Variants in SPAG17 observed in about 807,000 individuals in gnomAD.
SPAG17 encodes sperm-associated antigen 17.
In SPAG17, 169 loss-of-function variants were observed where a neutral mutation model predicts 273.6. That is an observed-to-expected ratio of 0.62 (90% CI 0.55 to 0.70). The LOEUF (loss-of-function observed/expected upper bound fraction) is 0.70. Ranked by LOEUF, SPAG17 falls within the 30% of genes least tolerant of loss-of-function variation. The probability of loss-of-function intolerance (pLI) is 0.00; values close to 1 mark genes in which losing one functional copy is unlikely to be tolerated. For missense variants in SPAG17, 2,557 were observed against 2,627.8 expected, an observed-to-expected ratio of 0.97 and a Z score of 0.59; for synonymous variants, 825 against 873.2, an observed-to-expected ratio of 0.94 and a Z score of 0.97.
Position 118,115,371 on chromosome 1 carries a change from AAG to A in SPAG17, c.384_385del (p.Leu129GlufsTer8). 1 of 1,613,786 alleles carries A rather than the reference AAG, an allele frequency of 6.2e-7. No homozygotes were observed. Among genetic ancestry groups the A allele is most frequent in the Non-Finnish European group, 8.5e-7 (1 of 1,179,740 alleles). On this transcript the variant is annotated frameshift_variant, in exon 4 of 49. Transcript: ENST00000336338. LOFTEE classifies it high-confidence loss of function. ...TTTAATCTGGAGAAGTTGAAATTTCAAGAGTTTCCCTATCAGTGGTAAGGTTA... is the reference window on the plus strand; with the variant it reads ...TTTAATCTGGAGAAGTTGAAATTTCAAGTTTCCCTATCAGTGGTAAGGTTA...
chr1:118,076,479 T>C (rs555117809), intron 15 of SPAG17: 1 of 152,262 alleles, frequency 6.6e-6, no homozygotes, highest in African/African-American at 2.4e-5. Flanking sequence ...AGGCCAACTA[T>C]AACTCTAAAT....
intron 3 of SPAG17, among the ~76,000 whole-genome samples, chr1:118,129,198 G>C (rs1657915050): frequency 6.6e-6 from 1 of 152,214 alleles, no homozygotes; most frequent in Non-Finnish European, 1.5e-5. Context: ...ACGTCTGCAT[G>C]CCAGTACATT....
At chr1:118,042,953 C>T (rs1004297894) in intron 20 of SPAG17, among the ~76,000 whole-genome samples, 2 of 152,082 alleles carry the variant, frequency 1.3e-5, no homozygotes, top group African/African-American at 2.4e-5. Flanking sequence ...ACCCTTCCAC[C>T]GTTAACATTA....
intron 1 of SPAG17, among the ~76,000 whole-genome samples, chr1:118,173,106 G>C (rs560206836): frequency 6.6e-6 from 1 of 151,754 alleles, no homozygotes; most frequent in South Asian, 2.1e-4. Flanking sequence ...AGGCTAGAAA[G>C]CTCCAGTCCC....
intron 1 of SPAG17, among the ~76,000 whole-genome samples, chr1:118,158,142 A>G (rs1190794340): frequency 6.6e-6 from 1 of 152,204 alleles, no homozygotes; most frequent in Non-Finnish European, 1.5e-5. Context: ...TCATGAACAT[A>G]TTATGTTTAA....
chr1:118,165,697 C>T (rs532429359), intron 1 of SPAG17, among the ~76,000 whole-genome samples: 1 of 133,674 alleles, frequency 7.5e-6, no homozygotes, highest in Non-Finnish European at 1.5e-5. Flanking sequence ...CCAGGTTGGA[C>T]TGCAGTGGCG....
At chr1:118,126,196 C>T (rs1219114502) in intron 3 of SPAG17, among the ~76,000 whole-genome samples, 3 of 140,474 alleles carry the variant, frequency 2.1e-5, no homozygotes, top group Admixed American at 7.3e-5. Context: ...TACTCAGATC[C>T]TTTATCCTTT....
intron 28 of SPAG17, among the ~76,000 whole-genome samples, chr1:118,022,519 T>A (rs1007613824): frequency 6.6e-6 from 1 of 152,166 alleles, no homozygotes; most frequent in African/African-American, 2.4e-5. Flanking sequence ...TTGATTATCA[T>A]GTTGAATAAG....
At chr1:118,172,902 A>G (rs1052018809) in intron 1 of SPAG17, among the ~76,000 whole-genome samples, 3 of 152,184 alleles carry the variant, frequency 2.0e-5, no homozygotes, top group Non-Finnish European at 4.4e-5. Context: ...TGTGCAATCC[A>G]TAAGCTTCTA....
At chr1:118,054,757 T>A (rs546943102) in intron 19 of SPAG17, among the ~76,000 whole-genome samples, 59 of 151,970 alleles carry the variant, frequency 3.9e-4, no homozygotes, top group Non-Finnish European at 7.7e-4. Flanking sequence ...TACTTAATGC[T>A]CTCCTTCTGG....
At chr1:118,159,968 A>C (rs779083510) in intron 1 of SPAG17, among the ~76,000 whole-genome samples, 3 of 152,224 alleles carry the variant, frequency 2.0e-5, no homozygotes, top group Non-Finnish European at 4.4e-5. Flanking sequence ...TGAGGTTCAA[A>C]ATGAACTTCA....
At position 117,954,021 on chromosome 1, in the gene SPAG17, G is replaced by A. The variant is rs780687943; in HGVS notation, c.*29C>T. 1.7e-5 allele frequency: 27 copies of A among 1,611,486 alleles called. No individual in the cohort carries two copies. The highest frequency in any genetic ancestry group is 1.0e-4 in the Admixed American group (6 of 59,698). On this transcript the variant is annotated 3_prime_UTR_variant, in exon 49 of 49. Coordinates refer to ENST00000336338, the MANE Select transcript of SPAG17 (RefSeq NM_206996.4). The stretch of plus-strand genomic sequence containing the variant: ...ATCCTCTGTAGGCTGAGAGGATTAT[G>A]GAGGCTATTGAGTTGTACCGAGAAG...
chr1:118,078,254 ACTTT>A (rs1654263606), intron 15 of SPAG17, among the ~76,000 whole-genome samples: 1 of 152,080 alleles, frequency 6.6e-6, no homozygotes, highest in South Asian at 2.1e-4. Context: ...TCATGTTATC[ACTTT>A]CTTAAAATTT....
In SPAG17 at chr1:118,145,933, G is replaced by A. The variant is rs565810199; in HGVS notation, c.315+4610C>T. 4.6e-5 allele frequency among the ~76,000 whole-genome samples: 7 copies of A among 151,964 alleles called. No homozygotes were observed. The East Asian group carries it at 7.7e-4, about 17-fold the overall frequency. On this transcript the variant is annotated intron_variant, in intron 3 of 48. Coordinates refer to ENST00000336338, the MANE Select transcript of SPAG17 (RefSeq NM_206996.4). ...TTTTCATTTTGTGATGACCTAATGC[G>A]TCTTTTATAAATAAGTCACAGGCAC... is the stretch of plus-strand genomic sequence containing the variant.
chr1:118,135,932 T>C (rs1053694031), intron 3 of SPAG17, among the ~76,000 whole-genome samples: 1 of 152,168 alleles, frequency 6.6e-6, no homozygotes, highest in Admixed American at 6.5e-5. Context: ...GAGCAAACTT[T>C]GGATTTGGAG....
intron 3 of SPAG17, among the ~76,000 whole-genome samples, chr1:118,143,899 C>T (rs1018967522): frequency 2.0e-5 from 3 of 152,142 alleles, no homozygotes; most frequent in African/African-American, 7.2e-5. Context: ...TGATGAGATT[C>T]CTGCCTTGCC....
At chr1:118,154,220 A>G (rs1392256693) in intron 1 of SPAG17, among the ~76,000 whole-genome samples, 1 of 152,112 alleles carries the variant, frequency 6.6e-6, no homozygotes, top group Non-Finnish European at 1.5e-5. Flanking sequence ...TTTCCCATCT[A>G]TGGTCTCTTG....
At chr1:118,167,224 T>C (rs1056618767) in intron 1 of SPAG17, among the ~76,000 whole-genome samples, 2 of 152,222 alleles carry the variant, frequency 1.3e-5, no homozygotes, top group African/African-American at 4.8e-5. Flanking sequence ...TTTTTAAAAG[T>C]GTTTTGCCGT....
chr1:118,038,559 G>T (rs1196200141), intron 23 of SPAG17, among the ~76,000 whole-genome samples: 1 of 152,074 alleles, frequency 6.6e-6, no homozygotes, highest in Non-Finnish European at 1.5e-5. Context: ...TAAAATTGTG[G>T]TACATCTAGA....
Sources: gnomAD v4.1 joint callset for allele counts (sites outside exome capture counted in the v4.1 genomes callset) on GRCh38, gnomAD v4.1.1 for gene constraint, MANE v1.5 for transcripts, NCBI Gene and HGNC (gene_info 2026-07-23, HGNC 2026-07-21) for gene names.